Variants in STAM observed in about 807,000 individuals in gnomAD.
STAM encodes signal transducing adaptor molecule, also known as signal transducing adapter molecule 1.
Under a neutral mutation model 63.4 loss-of-function variants are expected in STAM, and 16 were observed. The observed-to-expected ratio is 0.25, with a 90% confidence interval of 0.17 to 0.38. STAM has a LOEUF of 0.38. Among genes scored for constraint, STAM ranks in the 10% least tolerant of loss-of-function variants. STAM has a pLI of 1.00. For synonymous variants in STAM, 238 were observed against 223.9 expected (o/e 1.06, Z -0.56); for missense variants, 636 against 657.1 (o/e 0.97, Z 0.35).
chr10:17,706,783 A>G (rs889397423), intron 12 of STAM, among the ~76,000 whole-genome samples: 2 of 152,168 alleles, frequency 1.3e-5, no homozygotes, highest in Admixed American at 6.5e-5. Flanking sequence ...CAGGTCAGAC[A>G]TATCTCAATA....
intron 12 of STAM, among the ~76,000 whole-genome samples, chr10:17,706,479 C>T (rs560216264): frequency 4.8e-5 from 7 of 146,508 alleles, no homozygotes; most frequent in South Asian, 4.4e-4. Flanking sequence ...TCCGGGTTCT[C>T]GCCATTCTCC....
intron 2 of STAM, among the ~76,000 whole-genome samples, chr10:17,666,387 A>ATT (rs10673746): frequency 0.053 from 4,541 of 85,628 alleles, 331 homozygotes; most frequent in East Asian, 0.16. Flanking sequence ...TTGGCTTTGT[A>ATT]TTTTTTTTTT....
intron 11 of STAM, 64 bp from the exon 12 acceptor site, chr10:17,705,524 A>G: frequency 1.3e-6 from 2 of 1,524,016 alleles, no homozygotes; most frequent in South Asian, 1.3e-5. Flanking sequence ...TTGATGTATC[A>G]TTATTTAGAG....
chr10:17,685,041 C>A, intron 4 of STAM, 114 bp downstream of exon 4: 1 of 765,092 alleles, frequency 1.3e-6, no homozygotes, highest in Non-Finnish European at 2.1e-6. Context: ...CCTTTCTAGG[C>A]TGTGTCTATC....
chr10:17,648,432 A>G (rs372134009), intron 1 of STAM, among the ~76,000 whole-genome samples: 2 of 152,372 alleles, frequency 1.3e-5, no homozygotes, highest in East Asian at 1.9e-4. Context: ...CCTAGCCAGC[A>G]GCAGCAACCG....
At chr10:17,681,631 A>C (rs1263054446) in intron 2 of STAM, among the ~76,000 whole-genome samples, 1 of 152,158 alleles carries the variant, frequency 6.6e-6, no homozygotes, top group Non-Finnish European at 1.5e-5. Context: ...CTGATGATTT[A>C]ATATTTTGAG....
chr10:17,645,022 T>C, intron 1 of STAM, among the ~76,000 whole-genome samples: 1 of 152,236 alleles, frequency 6.6e-6, no homozygotes, highest in East Asian at 1.9e-4. Flanking sequence ...AAGAAGTTGT[T>C]GAATCTGGAA....
chr10:17,649,591 A>G (rs922823900), intron 1 of STAM, among the ~76,000 whole-genome samples: 1 of 152,104 alleles, frequency 6.6e-6, no homozygotes, highest in South Asian at 2.1e-4. Context: ...TGTCTGGTAC[A>G]TAGAAAGCAC....
At chr10:17,688,433 T>A in intron 5 of STAM, among the ~76,000 whole-genome samples, 1 of 152,076 alleles carries the variant, frequency 6.6e-6, no homozygotes, top group East Asian at 1.9e-4. Context: ...GGTTTAACAT[T>A]TTGCAGTTTT....
At chr10:17,662,168 T>G (rs1834198887) in intron 2 of STAM, among the ~76,000 whole-genome samples, 1 of 152,200 alleles carries the variant, frequency 6.6e-6, no homozygotes, top group African/African-American at 2.4e-5. Context: ...CCTTCCATAC[T>G]GAGTTCAGTT....
intron 1 of STAM, 60 bp downstream of exon 1, chr10:17,644,439 C>T: frequency 6.2e-7 from 1 of 1,602,276 alleles, no homozygotes; most frequent in South Asian, 1.1e-5. Flanking sequence ...ACTCTGCCAG[C>T]CCCTGCCTGC....
chr10:17,712,572 T>C (rs1554830194), intron 13 of STAM, among the ~76,000 whole-genome samples: 2 of 152,176 alleles, frequency 1.3e-5, no homozygotes, highest in East Asian at 1.9e-4. Context: ...TAAATAACAA[T>C]TGGAGGAAAG....
rs781916689 is a variant in STAM, at chr10:17,684,788, C to G, written c.201+38C>G. Reference sequence around the variant, plus strand: ...ATTTTAATCTGTACCACGAAATTACCTGCCACAATTGAGCCCCTTTAACTT... The same window carrying G: ...ATTTTAATCTGTACCACGAAATTACGTGCCACAATTGAGCCCCTTTAACTT... On this transcript the variant is annotated intron_variant, in intron 3 of 13. Coordinates refer to ENST00000377524, the MANE Select transcript of STAM (RefSeq NM_003473.4). 4 of 1,613,304 alleles carry G rather than the reference C, an allele frequency of 2.5e-6. No individual in the cohort carries two copies. The African/African-American group carries it at 5.3e-5, about 22-fold the overall frequency.
intron 13 of STAM, among the ~76,000 whole-genome samples, chr10:17,714,189 G>C (rs1564578042): frequency 6.6e-6 from 1 of 152,032 alleles, no homozygotes; most frequent in Admixed American, 6.6e-5. Context: ...TTTGTCCTCC[G>C]TATTGGGCTT....
Position 17,701,890 on chromosome 10 carries a change from A to G in STAM, c.912+1611A>G, listed in dbSNP as rs182033710. ...TAAGAAAGTCATGGCTCTAATGACT[A>G]GTTAACACAGCTGAGATGGTTCCAT... On this transcript the variant is annotated intron_variant, in intron 9 of 13. Transcript: ENST00000377524. Among the ~76,000 whole-genome samples, 798 of 150,182 alleles carry G rather than the reference A, an allele frequency of 5.3e-3. 12 individuals carry two copies. Among genetic ancestry groups the G allele is most frequent in the African/African-American group, 0.019 (773 of 41,136 alleles).
intron 12 of STAM, among the ~76,000 whole-genome samples, chr10:17,706,674 C>A (rs1328009569): frequency 6.6e-6 from 1 of 152,010 alleles, no homozygotes; most frequent in Non-Finnish European, 1.5e-5. Flanking sequence ...CCATCGCGCC[C>A]GGCCGAGGCC....
chr10:17,708,637 G>T (rs145891108), intron 12 of STAM, 139 bp from the exon 13 acceptor site: 12 of 869,598 alleles, frequency 1.4e-5, no homozygotes, highest in Non-Finnish European at 1.8e-5. Context: ...CAAAATGCCC[G>T]TTGACAGAAA....
At chr10:17,690,984 AT>A (rs541862781) in intron 5 of STAM, among the ~76,000 whole-genome samples, 145 of 152,328 alleles carry the variant, frequency 9.5e-4, no homozygotes, top group African/African-American at 3.4e-3. Context: ...ACTGGTAGAG[AT>A]TTCTTCACAC....
chr10:17,673,922 A>G (rs1260888587), intron 2 of STAM, among the ~76,000 whole-genome samples: 1 of 152,214 alleles, frequency 6.6e-6, no homozygotes, highest in Non-Finnish European at 1.5e-5. Context: ...GGAGCTGTCA[A>G]GGGCCTAAGT....
Sources: gnomAD v4.1 joint callset for allele counts (sites outside exome capture counted in the v4.1 genomes callset) on GRCh38, gnomAD v4.1.1 for gene constraint, MANE v1.5 for transcripts, NCBI Gene and HGNC (gene_info 2026-07-23, HGNC 2026-07-21) for gene names.